BCL2L1: variants seen among roughly 807,000 people sequenced by gnomAD.
The protein encoded by BCL2L1 is BCL2 like 1, also known as bcl-2-like protein 1.
Under a neutral mutation model 18.7 loss-of-function variants are expected in BCL2L1, and 1 was observed. The observed-to-expected ratio is 0.05, with a 90% CI of 0.02 to 0.25. The LOEUF (loss-of-function observed/expected upper bound fraction) is 0.25. Among genes scored for constraint, BCL2L1 ranks in the 10% least tolerant of loss-of-function variants. The probability of loss-of-function intolerance (pLI) is 1.00; values close to 1 mark genes in which losing one functional copy is unlikely to be tolerated. For synonymous variants in BCL2L1, 103 were observed against 122.7 expected, an observed-to-expected ratio of 0.84 and a Z score of 1.06; for missense variants, 207 against 304.9, an observed-to-expected ratio of 0.68 and a Z score of 2.39.
At chr20:31,703,016 A>C (rs1222025172) in intron 2 of BCL2L1, among the ~76,000 whole-genome samples, 2 of 151,954 alleles carry the variant, frequency 1.3e-5, no homozygotes, top group African/African-American at 4.8e-5. Context: ...TTGTAAACAA[A>C]AATGCAATAA....
At chr20:31,703,490 GT>G (rs973187077) in intron 2 of BCL2L1, among the ~76,000 whole-genome samples, 4 of 136,356 alleles carry the variant, frequency 2.9e-5, no homozygotes, top group African/African-American at 1.2e-4. Context: ...AAACTTGGTG[GT>G]TGTTTTTTTT....
chr20:31,682,835 A>T (rs2060887267), intron 2 of BCL2L1, among the ~76,000 whole-genome samples: 1 of 151,960 alleles, frequency 6.6e-6, no homozygotes. Flanking sequence ...TATTCCCTAA[A>T]CCTGTTCTTT....
chr20:31,723,360 AG>A (rs1263279483), upstream of BCL2L1: 2 of 985,364 alleles, frequency 2.0e-6, no homozygotes, highest in African/African-American at 3.5e-5. Flanking sequence ...GGTCAGGAAG[AG>A]GGGTCGAGGC....
intron 2 of BCL2L1, among the ~76,000 whole-genome samples, chr20:31,691,178 A>G (rs1226844056): frequency 6.9e-6 from 1 of 145,730 alleles, no homozygotes; most frequent in Admixed American, 6.9e-5. Flanking sequence ...AAAAAAAAAA[A>G]AAAAAAAAAA....
intron 2 of BCL2L1, among the ~76,000 whole-genome samples, chr20:31,714,264 T>C (rs1036588922): frequency 1.3e-5 from 2 of 152,192 alleles, no homozygotes; most frequent in African/African-American, 4.8e-5. Flanking sequence ...AAAGGGAAAC[T>C]GGGGACTGGG....
intron 2 of BCL2L1, among the ~76,000 whole-genome samples, chr20:31,669,880 G>T (rs971419211): frequency 6.6e-6 from 1 of 152,146 alleles, no homozygotes; most frequent in African/African-American, 2.4e-5. Context: ...TCAGGCATTG[G>T]TATCCCATTT....
chr20:31,717,099 G>A (rs1600934884), intron 2 of BCL2L1, among the ~76,000 whole-genome samples: 1 of 152,184 alleles, frequency 6.6e-6, no homozygotes, highest in East Asian at 1.9e-4. Context: ...AAGGCAGTAG[G>A]AGATTATACT....
At chr20:31,723,753 G>GT (rs2061673118), upstream of BCL2L1, 5 of 985,414 alleles carry the variant, frequency 5.1e-6, no homozygotes, top group South Asian at 2.3e-4. Flanking sequence ...CCCGCGAGCC[G>GT]TGGGGGGCCA....
chr20:31,678,954 T>C (rs896207230), intron 2 of BCL2L1, among the ~76,000 whole-genome samples: 2 of 152,198 alleles, frequency 1.3e-5, no homozygotes, highest in East Asian at 1.9e-4. Context: ...AACTCAGGGC[T>C]GAAGGCACCC....
chr20:31,701,495 T>C (rs908287756), intron 2 of BCL2L1, among the ~76,000 whole-genome samples: 1 of 152,252 alleles, frequency 6.6e-6, no homozygotes, highest in Non-Finnish European at 1.5e-5. Flanking sequence ...CTCGTCTTCT[T>C]ACCCATATTT....
At chr20:31,696,479 T>A (rs984866774) in intron 2 of BCL2L1, among the ~76,000 whole-genome samples, 8 of 152,234 alleles carry the variant, frequency 5.3e-5, no homozygotes, top group Non-Finnish European at 1.2e-4. Context: ...GGAGTAAGCC[T>A]GGGCAGTTGA....
intron 2 of BCL2L1, among the ~76,000 whole-genome samples, chr20:31,713,068 G>A (rs2061477411): frequency 6.6e-6 from 1 of 152,066 alleles, no homozygotes; most frequent in African/African-American, 2.4e-5. Flanking sequence ...GGGTGGGGTG[G>A]AATCTCCTAG....
At chr20:31,670,435 T>C (rs2060649647) in intron 2 of BCL2L1, among the ~76,000 whole-genome samples, 1 of 152,148 alleles carries the variant, frequency 6.6e-6, no homozygotes, top group Admixed American at 6.5e-5. Flanking sequence ...CCTGGCTCCC[T>C]TGATGGGAAC....
upstream of BCL2L1, chr20:31,723,801 G>C (rs2061673997): frequency 1.6e-5 from 16 of 985,350 alleles, no homozygotes; most frequent in Non-Finnish European, 1.9e-5. Flanking sequence ...CCAGACGCAA[G>C]AGCTCTTCGC....
At chr20:31,676,460 G>A (rs1021029296) in intron 2 of BCL2L1, among the ~76,000 whole-genome samples, 2 of 152,092 alleles carry the variant, frequency 1.3e-5, no homozygotes, top group African/African-American at 4.8e-5. Flanking sequence ...TTCCTGGGTG[G>A]CTGCTATGTG....
chr20:31,703,569 GC>G (rs1268596131), intron 2 of BCL2L1, among the ~76,000 whole-genome samples: 1 of 150,344 alleles, frequency 6.7e-6, no homozygotes, highest in Admixed American at 6.6e-5. Flanking sequence ...TCGGCTCACT[GC>G]AACCTCCGCC....
upstream of BCL2L1, chr20:31,722,876 GCTCCGCAGCC>G (rs2061659897): frequency 6.6e-6 from 1 of 152,344 alleles, no homozygotes; most frequent in Non-Finnish European, 1.5e-5. Context: ...GAGGGCGGCC[GCTCCGCAGCC>G]GCGGCCTCCT....
intron 2 of BCL2L1, among the ~76,000 whole-genome samples, chr20:31,683,881 A>T (rs897868333): frequency 2.0e-5 from 3 of 151,220 alleles, no homozygotes; most frequent in African/African-American, 7.3e-5. Context: ...CACTTAGCAA[A>T]TATTTGCTAA....
chr20:31,707,230 G>T (rs145826500), intron 2 of BCL2L1, among the ~76,000 whole-genome samples: 1 of 152,254 alleles, frequency 6.6e-6, no homozygotes, highest in African/African-American at 2.4e-5. Flanking sequence ...GTGAGCCAAG[G>T]CCCCAAGCTT....
Sources: allele counts gnomAD v4.1 joint callset (sites outside exome capture counted in the v4.1 genomes callset), GRCh38; gene constraint gnomAD v4.1.1; transcripts MANE v1.5; gene names NCBI Gene and HGNC (gene_info 2026-07-23, HGNC 2026-07-21).